Variants in PINX1 observed in about 807,000 individuals in gnomAD.
PINX1 encodes PIN2 (TERF1) interacting telomerase inhibitor 1.
In PINX1, 34 loss-of-function variants were observed where a neutral mutation model predicts 25.4. The ratio of observed to expected loss-of-function variants is 1.34; its 90% CI spans 1.02 to 1.78. PINX1 has a LOEUF of 1.78. Among genes scored for constraint, PINX1 ranks in the 40% most tolerant of loss-of-function variants. The pLI is 0.00. For missense variants in PINX1, 592 were observed against 404.9 expected, an observed-to-expected ratio of 1.46 and a Z score of -3.97; for synonymous variants, 197 against 147.7, an observed-to-expected ratio of 1.33 and a Z score of -2.42.
At chr8:10,775,437 T>C (rs1331351850) in intron 6 of PINX1, among the ~76,000 whole-genome samples, 1 of 135,254 alleles carries the variant, frequency 7.4e-6, no homozygotes, top group African/African-American at 2.7e-5. Context: ...TTTTTTTTTT[T>C]TTTGCCTTTA....
chr8:10,829,882 C>G (rs1306846887), intron 4 of PINX1, among the ~76,000 whole-genome samples: 1 of 152,144 alleles, frequency 6.6e-6, no homozygotes, highest in East Asian at 1.9e-4. Flanking sequence ...CAGGGTTTCT[C>G]CATGTTGGTC....
intron 6 of PINX1, among the ~76,000 whole-genome samples, chr8:10,812,237 TA>T (rs1343772032): frequency 6.6e-6 from 1 of 152,212 alleles, no homozygotes; most frequent in Middle Eastern, 3.2e-3. Flanking sequence ...CATAAGTAGA[TA>T]AAGCCAAAAT....
At chr8:10,820,087 G>A (rs565786059) in intron 6 of PINX1, 106 bp downstream of exon 6, 2 of 752,242 alleles carry the variant, frequency 2.7e-6, no homozygotes, top group Non-Finnish European at 4.8e-6. Flanking sequence ...AAGTGTTTTG[G>A]AAAGTTTGTC....
At chr8:10,814,806 C>T (rs892394430) in intron 6 of PINX1, among the ~76,000 whole-genome samples, 14 of 152,240 alleles carry the variant, frequency 9.2e-5, no homozygotes, top group African/African-American at 2.7e-4. Context: ...ATCCCTACCA[C>T]GTGCCAAGCA....
At chr8:10,784,293 G>A (rs954573954) in intron 6 of PINX1, among the ~76,000 whole-genome samples, 1 of 152,200 alleles carries the variant, frequency 6.6e-6, no homozygotes. Context: ...ACACATTTTA[G>A]AAGACTTATA....
At chr8:10,790,212 G>A (rs1046155309) in intron 6 of PINX1, among the ~76,000 whole-genome samples, 2 of 152,062 alleles carry the variant, frequency 1.3e-5, no homozygotes, top group African/African-American at 2.4e-5. Flanking sequence ...GCGATCTAAC[G>A]GGGCTGAATA....
At chr8:10,802,481 A>C (rs574529385) in intron 6 of PINX1, among the ~76,000 whole-genome samples, 1 of 152,316 alleles carries the variant, frequency 6.6e-6, no homozygotes, top group African/African-American at 2.4e-5. Flanking sequence ...CCATCATCTT[A>C]TGATTTAAAA....
rs75233969 is a variant in PINX1, at chr8:10,781,682, G to C, written c.472-15766C>G. Among the ~76,000 whole-genome samples, 941 of 152,268 alleles carry C rather than the reference G, an allele frequency of 6.2e-3. 19 individuals are homozygous for C. The highest frequency in any genetic ancestry group is 0.022 in the African/African-American group (897 of 41,558). On this transcript the variant is annotated intron_variant, in intron 6 of 6. Coordinates refer to ENST00000314787, the MANE Select transcript of PINX1 (RefSeq NM_017884.6). ...GAGAGTTATTATCAAAAAGATAAGA[G>C]ATAATAAGTGTTGGCAAGAGTGTGG...
At position 10,775,949 on chromosome 8, in the gene PINX1, T is replaced by C. The variant is rs574333094; in HGVS notation, c.472-10033A>G. 1.5e-4 allele frequency among the ~76,000 whole-genome samples: 23 copies of C among 152,226 alleles called. No individual in the cohort carries two copies. The South Asian group carries it at 4.3e-3, about 29-fold the overall frequency. On this transcript the variant is annotated intron_variant, in intron 6 of 6. Transcript: ENST00000314787. ...CAGCGGGGTGGGGGCAACCCAAAGC[T>C]CATGTCCCAACCCTCCCCTCAAATC...
intron 6 of PINX1, among the ~76,000 whole-genome samples, chr8:10,807,183 T>C (rs927857801): frequency 6.6e-6 from 1 of 152,170 alleles, no homozygotes; most frequent in Non-Finnish European, 1.5e-5. Context: ...AACATACGGT[T>C]GTATCCGTGA....
In PINX1 at chr8:10,839,747, G is replaced by C. The variant is rs201305201; in HGVS notation, c.10C>G (p.Leu4Val). 5.0e-6 allele frequency: 8 copies of C among 1,605,520 alleles called. No individual in the cohort carries two copies. The highest frequency in any genetic ancestry group is 6.8e-6 in the Non-Finnish European group (8 of 1,176,138). The change falls in exon 1 of 7, where the codon CTG becomes GTG. Residue 4 changes from leucine to valine, a missense_variant. Leu to Val is a conservative substitution (Grantham distance 32). Coordinates refer to ENST00000314787, the MANE Select transcript of PINX1 (RefSeq NM_017884.6). MSM[L>V]AERRRKQKWA... The stretch of plus-strand genomic sequence containing the variant: ...CGCTTCCGACACTCACGTTCAGCCA[G>C]CATAGACATGTCGGAGAGCCTGTGA...
intron 6 of PINX1, among the ~76,000 whole-genome samples, chr8:10,790,625 T>A (rs1186699340): frequency 3.3e-5 from 5 of 152,070 alleles, no homozygotes; most frequent in African/African-American, 1.2e-4. Flanking sequence ...TGCCCCTTTC[T>A]CTTTGGGTCT....
chr8:10,783,442 T>C (rs1286647043), intron 6 of PINX1, among the ~76,000 whole-genome samples: 1 of 152,200 alleles, frequency 6.6e-6, no homozygotes, highest in East Asian at 1.9e-4. Flanking sequence ...AACCCGTGTC[T>C]TTGCAGATAT....
At chr8:10,803,740 C>G (rs563323384) in intron 6 of PINX1, among the ~76,000 whole-genome samples, 2 of 152,298 alleles carry the variant, frequency 1.3e-5, no homozygotes, top group South Asian at 4.1e-4. Context: ...TTCCGTGGTA[C>G]TAAGGCTGAA....
chr8:10,823,419 G>A (rs536020052), intron 5 of PINX1, among the ~76,000 whole-genome samples: 2 of 152,076 alleles, frequency 1.3e-5, no homozygotes, highest in South Asian at 2.1e-4. Context: ...TCCTGCCAAC[G>A]TCTCACCATC....
At chr8:10,830,572 CAT>C (rs1228463460) in intron 4 of PINX1, among the ~76,000 whole-genome samples, 5 of 152,320 alleles carry the variant, frequency 3.3e-5, no homozygotes, top group South Asian at 2.1e-4. Context: ...ATTATTCACA[CAT>C]GACACACAAG....
Position 10,789,034 on chromosome 8 carries a change from G to A in PINX1, c.472-23118C>T, listed in dbSNP as rs367634280. Among the ~76,000 whole-genome samples, 7 of 152,178 alleles carry A rather than the reference G, an allele frequency of 4.6e-5. No individual in the cohort carries two copies. The East Asian group carries it at 5.8e-4, about 13-fold the overall frequency. On this transcript the variant is annotated intron_variant, in intron 6 of 6. Transcript: ENST00000314787. Reference sequence around the variant, plus strand: ...GAAGAGCAGAGCCCTTTGTGGGAGCGTGAAAGGGACAAGCCCAGTACCGGC... The same window carrying A: ...GAAGAGCAGAGCCCTTTGTGGGAGCATGAAAGGGACAAGCCCAGTACCGGC...
At chr8:10,768,164 A>G (rs10099907) in intron 6 of PINX1, among the ~76,000 whole-genome samples, 33,138 of 146,022 alleles carry the variant, frequency 0.23, 3,850 homozygotes, top group East Asian at 0.33. Context: ...ACAGAGACAG[A>G]CTCGGTGACG....
At chr8:10,825,216 C>T (rs1215671866) in intron 5 of PINX1, among the ~76,000 whole-genome samples, 1 of 152,194 alleles carries the variant, frequency 6.6e-6, no homozygotes, top group East Asian at 1.9e-4. Flanking sequence ...GCTCCCACTG[C>T]TATCCAGGCT....
Sources: allele counts gnomAD v4.1 joint callset (sites outside exome capture counted in the v4.1 genomes callset), GRCh38; gene constraint gnomAD v4.1.1; transcripts MANE v1.5; gene names NCBI Gene and HGNC (gene_info 2026-07-23, HGNC 2026-07-21).